The following VAV1 variants were observed in gnomAD, a reference collection of about 807,000 sequenced individuals.
The protein encoded by VAV1 is proto-oncogene vav.
In VAV1, 33 loss-of-function variants were observed where a neutral mutation model predicts 128.1. The observed-to-expected ratio is 0.26, with a 90% CI of 0.20 to 0.34. VAV1 has a LOEUF of 0.34. VAV1 is among the 10% of genes least tolerant of loss of function. The pLI is 1.00. For missense variants in VAV1, 715 were observed against 1,093.7 expected (o/e 0.65, Z 4.88); for synonymous variants, 394 against 409.8 (o/e 0.96, Z 0.47).
chr19:6,813,332 C>G (rs1165230584), intron 1 of VAV1, among the ~76,000 whole-genome samples: 2 of 152,194 alleles, frequency 1.3e-5, no homozygotes, highest in East Asian at 3.8e-4. Context: ...GGTGAGTGGT[C>G]CAAGAGACCA....
At chr19:6,855,802 C>CATCT (rs58591070) in intron 26 of VAV1, among the ~76,000 whole-genome samples, 5,831 of 149,554 alleles carry the variant, frequency 0.039, 122 homozygotes, top group East Asian at 0.057. Context: ...TCCACCCATT[C>CATCT]ATCTATCTAT....
rs1318897349 is a variant in VAV1, at chr19:6,777,284, T to G, written c.204+4273T>G. On this transcript the variant is annotated intron_variant, in intron 1 of 26. Transcript: ENST00000602142. The surrounding 1 kb of genome is among the most constrained non-coding windows in gnomAD (Gnocchi z 4.4). Reference sequence around the variant, plus strand: ...ATCCATCCATCCATCCATCCATCCATCCAGCAATGACAAGGTCTGCCAGGC... The same window carrying G: ...ATCCATCCATCCATCCATCCATCCAGCCAGCAATGACAAGGTCTGCCAGGC... Among the ~76,000 whole-genome samples, 5 of 147,184 alleles carry G rather than the reference T, an allele frequency of 3.4e-5. No individual in the cohort carries two copies. The highest frequency in any genetic ancestry group is 2.0e-4 in the East Asian group (1 of 5,064).
chr19:6,840,375 G>T (rs185918730), intron 21 of VAV1, among the ~76,000 whole-genome samples: 40 of 148,326 alleles, frequency 2.7e-4, no homozygotes, highest in African/African-American at 1.0e-3. Context: ...GCGCAATCTT[G>T]GCTCACTGCA....
chr19:6,833,915 T>G lies in VAV1; in HGVS notation c.1739T>G (p.Leu580Arg). The change falls in exon 19 of 27, where the codon CTA (leucine) becomes CGA (arginine). Residue 580 changes from leucine (L) to arginine (R), a missense_variant. Leu to Arg is a moderately radical substitution (Grantham distance 102). This residue lies in a region of VAV1 where 407 missense variants were observed against 580.6 expected (regional missense o/e 0.70). Coordinates refer to ENST00000602142, the MANE Select transcript of VAV1 (RefSeq NM_005428.4). ...DFPGTMKKDK[L>R]HRRAQDKKRN... is the part of the protein sequence containing the mutation. ...CTTTGTTTCTCCTTCCAGGACAAACTACATCGCAGGGCTCAGGACAAAAAG... is the reference window on the plus strand; with the variant it reads ...CTTTGTTTCTCCTTCCAGGACAAACGACATCGCAGGGCTCAGGACAAAAAG... The G allele has an allele frequency of 6.2e-7, 1 of 1,614,040 alleles. No homozygotes were observed. Among genetic ancestry groups the G allele is most frequent in the Non-Finnish European group, 8.5e-7 (1 of 1,180,012 alleles).
rs1295312275 is a variant in VAV1, at chr19:6,826,905, G to A, written c.927+194G>A. 6 of 606,256 alleles carry A rather than the reference G, an allele frequency of 9.9e-6. No homozygotes were observed. Among genetic ancestry groups the A allele is most frequent in the Non-Finnish European group, 1.8e-5 (6 of 339,028 alleles). 37.6% of individuals were successfully genotyped at this position (606,256 alleles called of 1,614,324 possible). On this transcript the variant is annotated intron_variant, in intron 9 of 26. Coordinates refer to ENST00000602142, the MANE Select transcript of VAV1 (RefSeq NM_005428.4). This position sits in a 1 kb window ranked among gnomAD's most constrained non-coding sequence, Gnocchi z 4.1. ...AAGAACAGAAATGGGCTGGCCCTGG[G>A]TCTGGGCTGACCCCTGATATCAGGG...
intron 22 of VAV1, 34 bp from the exon 23 acceptor site, chr19:6,847,964 C>A: frequency 6.9e-7 from 1 of 1,450,718 alleles, no homozygotes; most frequent in Non-Finnish European, 9.1e-7. Context: ...GGCACGGGGA[C>A]CGTGCCACCT....
At chr19:6,827,177 A>G (rs1459453688) in intron 9 of VAV1, 2 of 164,120 alleles carry the variant, frequency 1.2e-5, no homozygotes, top group Non-Finnish European at 1.3e-5. Flanking sequence ...CCCCCTCCCC[A>G]TCTCCAGCCC....
At chr19:6,790,005 A>G (rs10418301) in intron 1 of VAV1, among the ~76,000 whole-genome samples, 40,011 of 151,840 alleles carry the variant, frequency 0.26, 6,365 homozygotes, top group African/African-American at 0.45. Flanking sequence ...GTGAAACCCC[A>G]TCTCTACTAA....
rs1568299208 is a variant in VAV1, at chr19:6,814,674, T to TCCTTCCTTCCTTTCTCTCTCTCTCTCTC, written c.205-6028_205-6027insCCTTCCTTCCTTTCTCTCTCTCTCTCTC. Among the ~76,000 whole-genome samples the TCCTTCCTTCCTTTCTCTCTCTCTCTCTC allele has an allele frequency of 1.1e-4, 10 of 95,230 alleles. 1 individual carries two copies. The highest frequency in any genetic ancestry group is 5.4e-4 in the African/African-American group (10 of 18,354). 62.5% of individuals were successfully genotyped at this position (95,230 alleles called of 152,430 possible). A position where few individuals can be genotyped will look rare whatever the true frequency, so the allele number is the denominator to read the frequency against. On this transcript the variant is annotated intron_variant, in intron 1 of 26. Coordinates refer to ENST00000602142, the MANE Select transcript of VAV1 (RefSeq NM_005428.4). Reference sequence around the variant, plus strand: ...TTCCTTCCTTCCTTCCTTCCTTCCTTTCTTTCTTTCTTTCTTTCTTTCTTT... The same window carrying TCCTTCCTTCCTTTCTCTCTCTCTCTCTC: ...TTCCTTCCTTCCTTCCTTCCTTCCTTCCTTCCTTCCTTTCTCTCTCTCTCTCTCTCTTTCTTTCTTTCTTTCTTTCTTT...
At chr19:6,776,807 G>C (rs1294231790) in intron 1 of VAV1, among the ~76,000 whole-genome samples, 3 of 151,918 alleles carry the variant, frequency 2.0e-5, no homozygotes, top group African/African-American at 7.3e-5. Flanking sequence ...ACCCAGGCTG[G>C]AGTGCAGGGG....
rs1037867473 is a variant in VAV1, at chr19:6,828,334, T to C, written c.1024-85T>C. The C allele has an allele frequency of 2.5e-5, 39 of 1,571,400 alleles. No individual in the cohort carries two copies. The highest frequency in any genetic ancestry group is 3.2e-5 in the Non-Finnish European group (37 of 1,145,114). On this transcript the variant is annotated intron_variant, in intron 10 of 26. Transcript: ENST00000602142. The surrounding 1 kb of genome is among the most constrained non-coding windows in gnomAD (Gnocchi z 4.5). The stretch of plus-strand genomic sequence containing the variant: ...AGGGTCAGCAGTACGATGGAGGAGC[T>C]GGTGAGCTAGCATTGTTTGGAAGGC...
At chr19:6,807,699 G>A (rs996319382) in intron 1 of VAV1, among the ~76,000 whole-genome samples, 1 of 151,970 alleles carries the variant, frequency 6.6e-6, no homozygotes, top group Non-Finnish European at 1.5e-5. Context: ...AACAGAGTGA[G>A]ACCCTGTCTT....
chr19:6,839,755 A>G (rs564106076), intron 21 of VAV1, among the ~76,000 whole-genome samples: 2 of 152,100 alleles, frequency 1.3e-5, no homozygotes, highest in East Asian at 3.9e-4. Context: ...GCAATGGTGC[A>G]ATCTTGGCCC....
chr19:6,827,974 G>A (rs1971959484), intron 9 of VAV1, 102 bp from the exon 10 acceptor site: 2 of 942,802 alleles, frequency 2.1e-6, no homozygotes, highest in Middle Eastern at 2.1e-4. Context: ...GCTCTGGGGT[G>A]GAGAGCTGCT....
At chr19:6,824,346 C>T (rs192265107) in intron 6 of VAV1, among the ~76,000 whole-genome samples, 37 of 152,292 alleles carry the variant, frequency 2.4e-4, no homozygotes, top group East Asian at 2.1e-3. Flanking sequence ...CGAGCTTACT[C>T]GCTGTCTCTG....
At position 6,825,312 on chromosome 19, in the gene VAV1, C is replaced by T. The variant is rs1490731461; in HGVS notation, c.733C>T (p.Arg245Cys). 10 of 1,612,172 alleles carry T rather than the reference C, an allele frequency of 6.2e-6. No individual in the cohort carries two copies. Among genetic ancestry groups the T allele is most frequent in the East Asian group, 2.2e-5 (1 of 44,812 alleles). The change falls in exon 8 of 27, where the codon CGT (arginine) becomes TGT (cysteine). Residue 245 changes from arginine to cysteine, a missense_variant. Arg to Cys is a radical substitution (Grantham distance 180). Transcript: ENST00000602142. The stretch of plus-strand genomic sequence containing the variant: ...CCTTCCCTCCGAGTAGGACCTGCTT[C>T]GTGTTCATACTCACTTCCTAAAGGA... ...IIFINIEDLLRVHTHFLKEMK... is the reference protein window; with the variant it reads ...IIFINIEDLLCVHTHFLKEMK...
chr19:6,845,224 T>C (rs1487291642), intron 22 of VAV1, among the ~76,000 whole-genome samples: 1 of 151,100 alleles, frequency 6.6e-6, no homozygotes, highest in Non-Finnish European at 1.5e-5. Context: ...CTACTAAAAA[T>C]ACAAAAAAAA....
chr19:6,841,624 G>A (rs192542999), intron 21 of VAV1, among the ~76,000 whole-genome samples: 99 of 151,818 alleles, frequency 6.5e-4, no homozygotes, highest in African/African-American at 2.2e-3. Flanking sequence ...ACAGGCATGC[G>A]TCACCACGCC....
rs1971909116 is a variant in VAV1, at chr19:6,826,061, G to A, written c.828-551G>A. Among the ~76,000 whole-genome samples the A allele has an allele frequency of 1.3e-5, 2 of 151,788 alleles. No individual in the cohort carries two copies. The highest frequency in any genetic ancestry group is 1.3e-4 in the Admixed American group (2 of 15,238). On this transcript the variant is annotated intron_variant, in intron 8 of 26. Transcript: ENST00000602142. This position sits in a 1 kb window ranked among gnomAD's most constrained non-coding sequence, Gnocchi z 4.1. ...CTGTCTCAGAAATAAAAACAGGCCA[G>A]GCGTGGTGGCTCACGCCTGTAATTC...
Sources: gnomAD v4.1 joint callset for allele counts (sites outside exome capture counted in the v4.1 genomes callset) on GRCh38, gnomAD v4.1.1 for gene constraint, gnomAD v4.1.1 regional missense constraint, Gnocchi (gnomAD v3.1) non-coding constraint, MANE v1.5 for transcripts, NCBI Gene and HGNC (gene_info 2026-07-23, HGNC 2026-07-21) for gene names.